Variants in NSDHL observed in about 807,000 individuals in gnomAD.
NSDHL encodes sterol-4-alpha-carboxylate 3-dehydrogenase, decarboxylating.
NSDHL carries 1 observed loss-of-function variant against 23.0 expected under a neutral mutation model. The observed-to-expected ratio is 0.04, with a 90% confidence interval of 0.02 to 0.21. NSDHL has a LOEUF of 0.21. NSDHL is among the 10% of genes least tolerant of loss of function. The probability of loss-of-function intolerance (pLI) is 1.00; values close to 1 mark genes in which losing one functional copy is unlikely to be tolerated. For missense variants in NSDHL, 237 were observed against 300.9 expected, an observed-to-expected ratio of 0.79 and a Z score of 1.57; for synonymous variants, 128 against 121.1, an observed-to-expected ratio of 1.06 and a Z score of -0.37.
Position 152,869,224 on chromosome X carries a change from C to T in NSDHL, c.*108C>T, listed in dbSNP as rs782331380. The T allele has an allele frequency of 1.5e-6, 1 of 668,431 alleles. No homozygotes were observed. Among genetic ancestry groups the T allele is most frequent in the South Asian group, 2.3e-5 (1 of 42,848 alleles). The allele number at this position is 668,431 out of a possible 1,213,427, so 55.1% of individuals were successfully genotyped here. On this transcript the variant is annotated 3_prime_UTR_variant, in exon 8 of 8. Coordinates refer to ENST00000370274, the MANE Select transcript of NSDHL (RefSeq NM_015922.3). ...GAATGAGTTTGCTCTGAGCCTGTGA[C>T]TCCTTCTGCTAGGCAGAGAGCGCAC...
At chrX:152,836,342 A>T (rs1222823844) in intron 1 of NSDHL, among the ~76,000 whole-genome samples, 2 of 112,152 alleles carry the variant, frequency 1.8e-5, no homozygotes, top group African/African-American at 3.2e-5. Flanking sequence ...TTTTGTTGCC[A>T]TTGCTTCTGG....
intron 3 of NSDHL, among the ~76,000 whole-genome samples, chrX:152,852,741 G>A (rs1017525703): frequency 6.3e-5 from 7 of 110,733 alleles, no homozygotes; most frequent in African/African-American, 2.3e-4. Flanking sequence ...CTGTTCCCGA[G>A]GACGCCTCAT....
intron 1 of NSDHL, among the ~76,000 whole-genome samples, chrX:152,842,566 A>G (rs1469334562): frequency 9.0e-6 from 1 of 111,571 alleles, no homozygotes; most frequent in Non-Finnish European, 1.9e-5. Flanking sequence ...TGGCGGCACC[A>G]TCTTGGCTCA....
At chrX:152,866,012 C>A (rs1161529213) in intron 6 of NSDHL, 51 bp downstream of exon 6, 1 of 1,178,164 alleles carries the variant, frequency 8.5e-7, no homozygotes, top group African/African-American at 1.7e-5. Flanking sequence ...TCCATGCTCG[C>A]ATTCAGAGAG....
chrX:152,848,316 C>T (rs1004335040), intron 2 of NSDHL, among the ~76,000 whole-genome samples: 8 of 111,835 alleles, frequency 7.2e-5, no homozygotes, highest in Non-Finnish European at 1.1e-4. Flanking sequence ...AAAAAGTGGT[C>T]ATGAAAAGTT....
chrX:152,837,610 G>A (rs1933119203), intron 1 of NSDHL, among the ~76,000 whole-genome samples: 1 of 112,224 alleles, frequency 8.9e-6, no homozygotes, highest in African/African-American at 3.2e-5. Context: ...ATTGATTTAT[G>A]TATGTTGAAC....
At chrX:152,862,521 C>G (rs1556847621) in intron 4 of NSDHL, 75 bp from the exon 5 acceptor site, 2 of 1,016,869 alleles carry the variant, frequency 2.0e-6, no homozygotes, top group Admixed American at 4.4e-5. Flanking sequence ...CCCTGATTCT[C>G]TTTCATACAG....
chrX:152,854,807 G>A (rs1019315681), intron 3 of NSDHL, among the ~76,000 whole-genome samples: 12 of 109,104 alleles, frequency 1.1e-4, no homozygotes, highest in Non-Finnish European at 2.1e-4. Context: ...ATCACTTGAG[G>A]CCAGGAGTTC....
intron 1 of NSDHL, among the ~76,000 whole-genome samples, chrX:152,838,380 A>G (rs1368729463): frequency 1.8e-5 from 2 of 111,087 alleles, no homozygotes; most frequent in African/African-American, 6.6e-5. Flanking sequence ...AGTTCTTTTA[A>G]TTGTGATGTT....
intron 2 of NSDHL, among the ~76,000 whole-genome samples, chrX:152,849,083 T>C (rs782083632): frequency 1.8e-5 from 2 of 112,016 alleles, no homozygotes; most frequent in Admixed American, 9.4e-5. Context: ...CTGGGCCTGG[T>C]GGAATCCAGT....
chrX:152,833,991 G>T (rs191666108), intron 1 of NSDHL, among the ~76,000 whole-genome samples: 218 of 112,873 alleles, frequency 1.9e-3, no homozygotes, highest in African/African-American at 5.5e-3. Flanking sequence ...CCTCACAGTA[G>T]CTCTGAGGTA....
At chrX:152,841,853 A>G (rs1643546258) in intron 1 of NSDHL, among the ~76,000 whole-genome samples, 2 of 112,073 alleles carry the variant, frequency 1.8e-5, no homozygotes, top group Admixed American at 1.9e-4. Flanking sequence ...GAGTGGCATT[A>G]CATGCATTCC....
intron 4 of NSDHL, among the ~76,000 whole-genome samples, chrX:152,860,360 T>C (rs1304651085): frequency 8.0e-5 from 9 of 111,961 alleles, no homozygotes; most frequent in Admixed American, 2.8e-4. Flanking sequence ...CATGCTGATG[T>C]AACTGGAGCC....
At chrX:152,834,887 A>G (rs372740062) in intron 1 of NSDHL, among the ~76,000 whole-genome samples, 7 of 112,845 alleles carry the variant, frequency 6.2e-5, no homozygotes, top group African/African-American at 2.3e-4. Context: ...TTGTCTGCCC[A>G]TGGACTGAAG....
At chrX:152,861,986 T>C (rs1933536366) in intron 4 of NSDHL, among the ~76,000 whole-genome samples, 1 of 112,685 alleles carries the variant, frequency 8.9e-6, no homozygotes, top group Non-Finnish European at 1.9e-5. Context: ...GGCTAGAGCT[T>C]CTCATACAAT....
At chrX:152,832,751 C>T (rs1407027642) in intron 1 of NSDHL, among the ~76,000 whole-genome samples, 1 of 112,329 alleles carries the variant, frequency 8.9e-6, no homozygotes, top group Non-Finnish European at 1.9e-5. Flanking sequence ...AGTCGCTTAA[C>T]CTCTCTGAGC....
At chrX:152,834,626 A>G (rs781951395) in intron 1 of NSDHL, among the ~76,000 whole-genome samples, 1 of 112,669 alleles carries the variant, frequency 8.9e-6, no homozygotes, top group Admixed American at 9.3e-5. Flanking sequence ...TCTCTAAGAA[A>G]TATGTCCATA....
intron 1 of NSDHL, among the ~76,000 whole-genome samples, chrX:152,845,208 G>A (rs782439078): frequency 8.9e-6 from 1 of 111,934 alleles, no homozygotes; most frequent in South Asian, 3.8e-4. Flanking sequence ...GTCCCCACTG[G>A]GACACATGAT....
At chrX:152,865,664 C>T in intron 5 of NSDHL, among the ~76,000 whole-genome samples, 155 bp from the exon 6 acceptor site, 1 of 112,972 alleles carries the variant, frequency 8.9e-6, no homozygotes, top group Non-Finnish European at 1.9e-5. Flanking sequence ...TGTAGGTTGT[C>T]AGCTCAAGGC....
Sources: gnomAD v4.1 joint callset for allele counts (sites outside exome capture counted in the v4.1 genomes callset) on GRCh38, gnomAD v4.1.1 for gene constraint, MANE v1.5 for transcripts, NCBI Gene and HGNC (gene_info 2026-07-23, HGNC 2026-07-21) for gene names.